GALNT13: variants seen among roughly 807,000 people sequenced by gnomAD.
The protein encoded by GALNT13 is UDP-GalNAc:polypeptide N-acetylgalactosaminyltransferase 13.
A neutral mutation model predicts 64.2 loss-of-function variants in GALNT13; 28 were observed. The ratio of observed to expected loss-of-function variants is 0.44; its 90% confidence interval spans 0.32 to 0.60. The LOEUF (loss-of-function observed/expected upper bound fraction) is 0.60. Ranked by LOEUF, GALNT13 falls within the 20% of genes least tolerant of loss-of-function variation. The pLI is 0.05. For missense variants in GALNT13, 577 were observed against 669.8 expected, an observed-to-expected ratio of 0.86 and a Z score of 1.53; for synonymous variants, 214 against 224.6, an observed-to-expected ratio of 0.95 and a Z score of 0.42.
the GALNT13 span, among the ~76,000 whole-genome samples, chr2:153,453,492 G>A: frequency 3.3e-5 from 5 of 152,062 alleles, no homozygotes; most frequent in African/African-American, 7.2e-5. Context: ...GAAGACATAT[G>A]AGCAGCCAAC....
chr2:153,479,767 A>G, the GALNT13 span, among the ~76,000 whole-genome samples: 97 of 152,280 alleles, frequency 6.4e-4, no homozygotes, highest in African/African-American at 2.2e-3. Context: ...TAAACTAAAC[A>G]CAGATGTTTT....
At chr2:153,402,082 T>C in the GALNT13 span, among the ~76,000 whole-genome samples, 2 of 146,578 alleles carry the variant, frequency 1.4e-5, no homozygotes, top group African/African-American at 2.6e-5. Context: ...TTCCTTTCCA[T>C]ATTTAGCGCT....
chr2:154,430,358 G>A (rs1700656281), intron 11 of GALNT13, among the ~76,000 whole-genome samples: 1 of 152,122 alleles, frequency 6.6e-6, no homozygotes, highest in African/African-American at 2.4e-5. Context: ...ATGACTTTGA[G>A]GGGTTCAAGA....
At chr2:154,432,320 G>T (rs1362536821) in intron 11 of GALNT13, among the ~76,000 whole-genome samples, 3 of 152,164 alleles carry the variant, frequency 2.0e-5, no homozygotes, top group Non-Finnish European at 2.9e-5. Context: ...TGTAAAATCA[G>T]ATTTCCCTAT....
chr2:154,043,477 CAT>C (rs1377426160), intron 3 of GALNT13, among the ~76,000 whole-genome samples: 5 of 112,182 alleles, frequency 4.5e-5, no homozygotes, highest in Non-Finnish European at 9.0e-5. Flanking sequence ...TACATAAAAA[CAT>C]GTATTGCAAA....
At chr2:153,957,832 T>G (rs1040926329) in intron 3 of GALNT13, among the ~76,000 whole-genome samples, 2 of 152,198 alleles carry the variant, frequency 1.3e-5, no homozygotes, top group African/African-American at 2.4e-5. Flanking sequence ...ACCCATATAC[T>G]TTTTCCTTTG....
chr2:153,710,193 A>G, the GALNT13 span, among the ~76,000 whole-genome samples: 1 of 152,124 alleles, frequency 6.6e-6, no homozygotes, highest in African/African-American at 2.4e-5. Flanking sequence ...ACGTTGATTT[A>G]ACTATTCCAC....
intron 4 of GALNT13, among the ~76,000 whole-genome samples, chr2:154,184,667 T>C (rs1686154539): frequency 1.3e-5 from 2 of 152,218 alleles, no homozygotes; most frequent in African/African-American, 4.8e-5. Context: ...CTATATAAGA[T>C]GTATGGCAAG....
At chr2:153,530,351 T>C in the GALNT13 span, among the ~76,000 whole-genome samples, 2 of 151,782 alleles carry the variant, frequency 1.3e-5, no homozygotes, top group African/African-American at 4.8e-5. Context: ...CTCTAAAATA[T>C]TGATGAAAGA....
In GALNT13 at chr2:154,072,437, T is replaced by C. The variant is rs139017378; in HGVS notation, c.143-67900T>C. Among the ~76,000 whole-genome samples the C allele has an allele frequency of 1.2e-4, 19 of 152,256 alleles. No individual in the cohort carries two copies. The East Asian group carries it at 3.5e-3, about 28-fold the overall frequency. ...TTTATGTTTAGCTTATAGTTTGTTT[T>C]TTTATGATCAAAGAGACTGGAGCTA... is the stretch of plus-strand genomic sequence containing the variant. On this transcript the variant is annotated intron_variant, in intron 3 of 12. Coordinates refer to ENST00000392825, the MANE Select transcript of GALNT13 (RefSeq NM_052917.4).
chr2:153,592,344 C>T, the GALNT13 span, among the ~76,000 whole-genome samples: 1 of 152,054 alleles, frequency 6.6e-6, no homozygotes, highest in Admixed American at 6.6e-5. Context: ...GTCTTCTACT[C>T]AAAAGAAAAT....
At chr2:153,503,536 G>T in the GALNT13 span, among the ~76,000 whole-genome samples, 9 of 152,082 alleles carry the variant, frequency 5.9e-5, no homozygotes, top group Non-Finnish European at 7.4e-5. Flanking sequence ...TGCCTCCTGG[G>T]TTCAAGCTAT....
At chr2:153,989,776 T>A (rs1289427059) in intron 3 of GALNT13, among the ~76,000 whole-genome samples, 1 of 152,020 alleles carries the variant, frequency 6.6e-6, no homozygotes, top group East Asian at 1.9e-4. Flanking sequence ...TAGTTGGAAA[T>A]GCTAGGAAGT....
intron 4 of GALNT13, among the ~76,000 whole-genome samples, chr2:154,155,846 G>A (rs576300314): frequency 7.2e-5 from 11 of 151,814 alleles, no homozygotes; most frequent in African/African-American, 1.9e-4. Flanking sequence ...AAAATAAGTT[G>A]CATTTTGTTA....
chr2:154,361,896 T>C (rs776464968), intron 9 of GALNT13, among the ~76,000 whole-genome samples: 25 of 152,082 alleles, frequency 1.6e-4, no homozygotes, highest in Non-Finnish European at 3.1e-4. Flanking sequence ...CTGGCACTCT[T>C]TCCAAGACTT....
chr2:153,906,375 C>T (rs1410433952), intron 2 of GALNT13, among the ~76,000 whole-genome samples: 1 of 148,976 alleles, frequency 6.7e-6, no homozygotes, highest in African/African-American at 2.5e-5. Flanking sequence ...AGGTATATCT[C>T]CTAATGCTAT....
chr2:153,444,130 T>A, the GALNT13 span, among the ~76,000 whole-genome samples: 1 of 152,300 alleles, frequency 6.6e-6, no homozygotes, highest in South Asian at 2.1e-4. Context: ...CATCTATCTA[T>A]CCATTTATTC....
chr2:154,206,071 C>T (rs1391030141), intron 4 of GALNT13, among the ~76,000 whole-genome samples: 1 of 151,890 alleles, frequency 6.6e-6, no homozygotes, highest in East Asian at 1.9e-4. Flanking sequence ...GATCTCGGCT[C>T]ACTGCAAGCT....
intron 9 of GALNT13, among the ~76,000 whole-genome samples, chr2:154,360,783 C>G (rs2105284095): frequency 6.6e-6 from 1 of 152,116 alleles, no homozygotes; most frequent in East Asian, 1.9e-4. Flanking sequence ...TTTCAAGGAA[C>G]TCAGTTTGAT....
Sources: allele counts gnomAD v4.1 joint callset (sites outside exome capture counted in the v4.1 genomes callset), GRCh38; gene constraint gnomAD v4.1.1; transcripts MANE v1.5; gene names NCBI Gene and HGNC (gene_info 2026-07-23, HGNC 2026-07-21).